Variants in MLLT10 observed in about 807,000 individuals in gnomAD.
The protein encoded by MLLT10 is MLLT10 histone lysine methyltransferase DOT1L cofactor.
In MLLT10, 30 loss-of-function variants were observed where a neutral mutation model predicts 129.1. The ratio of observed to expected loss-of-function variants is 0.23; its 90% CI spans 0.17 to 0.32. The LOEUF (loss-of-function observed/expected upper bound fraction) is 0.32, where lower values mean the gene tolerates loss of function less well. Among genes scored for constraint, MLLT10 ranks in the 10% least tolerant of loss-of-function variants. The probability of loss-of-function intolerance (pLI) is 1.00; values close to 1 mark genes in which losing one functional copy is unlikely to be tolerated. For synonymous variants in MLLT10, 490 were observed against 446.4 expected, an observed-to-expected ratio of 1.10 and a Z score of -1.23; for missense variants, 1,119 against 1,268.3, an observed-to-expected ratio of 0.88 and a Z score of 1.79.
At chr10:21,670,832 G>GC (rs1182602120) in intron 10 of MLLT10, 128 bp downstream of exon 10, 68 of 1,056,778 alleles carry the variant, frequency 6.4e-5, no homozygotes, top group Non-Finnish European at 8.6e-5. Flanking sequence ...ATGATTAGTT[G>GC]CTTTAGTAAG....
chr10:21,731,029 A>G lies in MLLT10; in HGVS notation c.2193A>G (p.Leu731=), dbSNP rs1302803461. The G allele has an allele frequency of 2.2e-5, 35 of 1,613,926 alleles. No individual in the cohort carries two copies. The highest frequency in any genetic ancestry group is 3.0e-5 in the Non-Finnish European group (35 of 1,179,932). ...ERQWSEGQQF[L]LEQGTPSDIL... ...AGTGGAGTGAAGGACAGCAATTTTT[A>G]CTAGAACAGGGTACTCCTAGTGACA... The change falls in exon 17 of 23, where the codon TTA becomes TTG. Residue 731 remains leucine (L), a synonymous_variant. Coordinates refer to ENST00000307729, the MANE Select transcript of MLLT10 (RefSeq NM_001195626.3).
intron 9 of MLLT10, among the ~76,000 whole-genome samples, chr10:21,670,013 C>T (rs1481415466): frequency 2.0e-5 from 3 of 151,912 alleles, no homozygotes; most frequent in Admixed American, 1.3e-4. Context: ...ATATGGTCCT[C>T]TAATGGATTT....
At chr10:21,581,781 C>T (rs1473971509) in intron 3 of MLLT10, among the ~76,000 whole-genome samples, 1 of 152,146 alleles carries the variant, frequency 6.6e-6, no homozygotes, top group Non-Finnish European at 1.5e-5. Context: ...TTCCTGAGGC[C>T]TCCTCAGCCA....
chr10:21,572,542 T>A (rs957517547), intron 3 of MLLT10, among the ~76,000 whole-genome samples: 1 of 152,178 alleles, frequency 6.6e-6, no homozygotes, highest in Non-Finnish European at 1.5e-5. Context: ...TTTATTTAGG[T>A]CTTTTTTGCT....
At chr10:21,735,284 C>T (rs2058270882) in intron 21 of MLLT10, 49 bp downstream of exon 21, 4 of 1,360,308 alleles carry the variant, frequency 2.9e-6, no homozygotes, top group Middle Eastern at 3.6e-4. Flanking sequence ...GTGTTCTAAG[C>T]TGTAATATTC....
intron 8 of MLLT10, among the ~76,000 whole-genome samples, chr10:21,628,946 A>G (rs1293124663): frequency 6.8e-6 from 1 of 146,538 alleles, no homozygotes; most frequent in African/African-American, 2.5e-5. Context: ...ACGGGGTTTC[A>G]CCATGTTGGC....
chr10:21,622,119 G>A (rs2045923689), intron 8 of MLLT10, among the ~76,000 whole-genome samples: 1 of 150,406 alleles, frequency 6.6e-6, no homozygotes, highest in South Asian at 2.1e-4. Context: ...TCGAATAAGG[G>A]ATAGTTTGTT....
rs2057924805 is a variant in MLLT10 at position 21,731,033 on chromosome 10, G to A, written c.2197G>A (p.Glu733Lys). 1 of 1,613,720 alleles carries A rather than the reference G, an allele frequency of 6.2e-7. No homozygotes were observed. The highest frequency in any genetic ancestry group is 8.5e-7 in the Non-Finnish European group (1 of 1,179,866). Reference protein sequence around the residue: ...QWSEGQQFLLEQGTPSDILGM... With the variant: ...QWSEGQQFLLKQGTPSDILGM... ...GAGTGAAGGACAGCAATTTTTACTA[G>A]AACAGGGTACTCCTAGTGACAGTAA... The change falls in exon 17 of 23, where the codon GAA (glutamate) becomes AAA (lysine). Residue 733 changes from glutamate (E) to lysine (K), a missense_variant. Coordinates refer to ENST00000307729, the MANE Select transcript of MLLT10 (RefSeq NM_001195626.3).
intron 5 of MLLT10, among the ~76,000 whole-genome samples, chr10:21,604,819 T>G (rs1471755283): frequency 6.6e-6 from 1 of 152,010 alleles, no homozygotes; most frequent in Non-Finnish European, 1.5e-5. Flanking sequence ...TCTAGGTGCA[T>G]TGACACGGCC....
intron 3 of MLLT10, among the ~76,000 whole-genome samples, chr10:21,577,624 A>G (rs1211619345): frequency 1.3e-5 from 2 of 151,924 alleles, no homozygotes; most frequent in Non-Finnish European, 2.9e-5. Flanking sequence ...GGCACCCACC[A>G]TCATGCCGGG....
intron 10 of MLLT10, chr10:21,670,955 G>C (rs958655415): frequency 2.1e-5 from 8 of 390,104 alleles, no homozygotes; most frequent in African/African-American, 1.6e-4. Flanking sequence ...TGTTTAACTA[G>C]ATATGGAATA....
chr10:21,581,656 C>A (rs759617461), intron 3 of MLLT10, among the ~76,000 whole-genome samples: 11 of 152,136 alleles, frequency 7.2e-5, no homozygotes, highest in Non-Finnish European at 1.5e-4. Context: ...CGAGTGAATT[C>A]TCTTGCGGTC....
chr10:21,558,760 T>A (rs915589352), intron 3 of MLLT10, among the ~76,000 whole-genome samples: 4 of 152,182 alleles, frequency 2.6e-5, no homozygotes, highest in African/African-American at 9.7e-5. Context: ...TCCTCTCAGT[T>A]CCACAGTGGC....
chr10:21,720,520 C>T (rs1394724233), intron 14 of MLLT10, among the ~76,000 whole-genome samples: 1 of 152,154 alleles, frequency 6.6e-6, no homozygotes, highest in African/African-American at 2.4e-5. Flanking sequence ...CATGTTTTTG[C>T]TGGAAACTTT....
At chr10:21,690,641 T>A (rs188058156) in intron 13 of MLLT10, among the ~76,000 whole-genome samples, 1 of 152,158 alleles carries the variant, frequency 6.6e-6, no homozygotes, top group East Asian at 1.9e-4. Flanking sequence ...TCCTCTTGTA[T>A]TTTTTTGTCC....
intron 3 of MLLT10, among the ~76,000 whole-genome samples, chr10:21,558,213 A>C (rs1172690145): frequency 3.3e-5 from 5 of 151,536 alleles, no homozygotes; most frequent in Non-Finnish European, 4.4e-5. Context: ...GACCTCCCAA[A>C]GTGCTGGGAC....
At chr10:21,620,965 G>A (rs2045753950) in intron 8 of MLLT10, among the ~76,000 whole-genome samples, 1 of 150,702 alleles carries the variant, frequency 6.6e-6, no homozygotes, top group African/African-American at 2.4e-5. Flanking sequence ...TTTCAGGCGT[G>A]AGCCACCATA....
chr10:21,550,533 G>C (rs528861556), intron 3 of MLLT10, among the ~76,000 whole-genome samples: 56 of 152,036 alleles, frequency 3.7e-4, no homozygotes, highest in Non-Finnish European at 7.5e-4. Flanking sequence ...GATTCCTTTA[G>C]CTTTTTGTTT....
Position 21,732,995 on chromosome 10 carries a change from A to G in MLLT10, c.2315A>G (p.Gln772Arg). ...TTGACTGCCAAAAAGGAACGGCTTC[A>G]GTTATTGAATGCACAGCTTTCAGTG... ...KNLTAKKERLQLLNAQLSVPF... is the reference protein window; with the variant it reads ...KNLTAKKERLRLLNAQLSVPF... The change falls in exon 18 of 23, where the codon CAG becomes CGG. Residue 772 changes from glutamine to arginine, a missense_variant. Transcript: ENST00000307729. 6.2e-7 allele frequency: 1 copy of G among 1,614,082 alleles called. No individual in the cohort carries two copies. The highest frequency in any genetic ancestry group is 1.3e-5 in the African/African-American group (1 of 75,068).
Sources: gnomAD v4.1 joint callset for allele counts (sites outside exome capture counted in the v4.1 genomes callset) on GRCh38, gnomAD v4.1.1 for gene constraint, MANE v1.5 for transcripts, NCBI Gene and HGNC (gene_info 2026-07-23, HGNC 2026-07-21) for gene names.